The following LAMP1 variants were observed in gnomAD, a reference collection of about 807,000 sequenced individuals.
LAMP1 encodes the protein lysosome-associated membrane glycoprotein 1.
Under a neutral mutation model 37.5 loss-of-function variants are expected in LAMP1, and 7 were observed. The observed-to-expected ratio is 0.19, with a 90% confidence interval of 0.11 to 0.35. The LOEUF (loss-of-function observed/expected upper bound fraction) is 0.35, where lower values mean the gene tolerates loss of function less well. Among genes scored for constraint, LAMP1 ranks in the 10% least tolerant of loss-of-function variants. LAMP1 has a pLI of 1.00. For synonymous variants in LAMP1, 236 were observed against 229.1 expected (o/e 1.03, Z -0.27); for missense variants, 537 against 552.8 (o/e 0.97, Z 0.29).
At position 113,320,676 on chromosome 13, in the gene LAMP1, G is replaced by T; in HGVS notation, c.876+206G>T. The T allele has an allele frequency of 1.7e-6, 1 of 587,830 alleles. No individual in the cohort carries two copies. Among genetic ancestry groups the T allele is most frequent in the Non-Finnish European group, 3.0e-6 (1 of 337,970 alleles). The allele number at this position is 587,830 out of a possible 1,614,324, so 36.4% of individuals were successfully genotyped here. Reference sequence around the variant, plus strand: ...TAGATGCAGCAGATGATGTGGGCGGGGCTGCTGTGCCCACAGTTGGAGTGG... The same window carrying T: ...TAGATGCAGCAGATGATGTGGGCGGTGCTGCTGTGCCCACAGTTGGAGTGG... On this transcript the variant is annotated intron_variant, in intron 6 of 8. Transcript: ENST00000332556. The surrounding 1 kb of genome is among the most constrained non-coding windows in gnomAD (Gnocchi z 4.4).
chr13:113,299,825 A>C (rs1286398070), intron 1 of LAMP1, among the ~76,000 whole-genome samples: 1 of 152,186 alleles, frequency 6.6e-6, no homozygotes, highest in Admixed American at 6.5e-5. Flanking sequence ...CAGACTCCCA[A>C]AGTGCTGGGA....
intron 3 of LAMP1, among the ~76,000 whole-genome samples, chr13:113,310,177 C>T (rs965478197): frequency 4.6e-5 from 7 of 151,712 alleles, no homozygotes; most frequent in Non-Finnish European, 7.4e-5. Flanking sequence ...TGCAGTGAGC[C>T]GAGATGGTGC....
chr13:113,317,159 C>T (rs888451842), intron 4 of LAMP1, among the ~76,000 whole-genome samples: 4 of 152,228 alleles, frequency 2.6e-5, no homozygotes, highest in East Asian at 3.9e-4. Flanking sequence ...TGGAAAGGCC[C>T]GGCTGTGTGC....
In LAMP1 at chr13:113,322,429, C is replaced by A. The variant is rs758043762; in HGVS notation, c.*8C>A. ...GGCTACCAGACTATCTAGCCTGGTGCACGCAGGCACAGCAGCTGCAGGGGC... is the reference window on the plus strand; with the variant it reads ...GGCTACCAGACTATCTAGCCTGGTGAACGCAGGCACAGCAGCTGCAGGGGC... On this transcript the variant is annotated 3_prime_UTR_variant, in exon 9 of 9. Coordinates refer to ENST00000332556, the MANE Select transcript of LAMP1 (RefSeq NM_005561.4). 6.2e-7 allele frequency: 1 copy of A among 1,601,010 alleles called. No individual in the cohort carries two copies. Among genetic ancestry groups the A allele is most frequent in the South Asian group, 1.1e-5 (1 of 90,450 alleles).
Position 113,321,846 on chromosome 13 carries a change from C to G in LAMP1, c.1114+119C>G. 1.0e-6 allele frequency: 1 copy of G among 987,992 alleles called. No homozygotes were observed. The highest frequency in any genetic ancestry group is 1.5e-6 in the Non-Finnish European group (1 of 670,830). The allele number at this position is 987,992 out of a possible 1,614,324, so 61.2% of individuals were successfully genotyped here. A position where few individuals can be genotyped will look rare whatever the true frequency, so the allele number is the denominator to read the frequency against. On this transcript the variant is annotated intron_variant, in intron 8 of 8. Coordinates refer to ENST00000332556, the MANE Select transcript of LAMP1 (RefSeq NM_005561.4). This position sits in a 1 kb window ranked among gnomAD's most constrained non-coding sequence, Gnocchi z 5.6. ...GACGCCCCTGTTCCTCTGCAAGGAGCTGTTTCTTCTTGCCGGTCTGAGATT... is the reference window on the plus strand; with the variant it reads ...GACGCCCCTGTTCCTCTGCAAGGAGGTGTTTCTTCTTGCCGGTCTGAGATT...
At position 113,310,712 on chromosome 13, in the gene LAMP1, T is replaced by G. The variant is rs761465679; in HGVS notation, c.407T>G (p.Ile136Ser). The G allele has an allele frequency of 6.4e-7, 1 of 1,567,730 alleles. No homozygotes were observed. Among genetic ancestry groups the G allele is most frequent in the Middle Eastern group, 1.7e-4 (1 of 5,866 alleles). The change falls in exon 4 of 9, where the codon ATC becomes AGC. Residue 136 changes from isoleucine (I) to serine (S), a missense_variant. Coordinates refer to ENST00000332556, the MANE Select transcript of LAMP1 (RefSeq NM_005561.4). ...ATTTTTTTTTTTTTTAATCTAGAAA[T>G]CAAGACTGTGGAATCTATAACTGAC... Reference protein sequence around the residue: ...HLFPNASSKEIKTVESITDIR... With the variant: ...HLFPNASSKESKTVESITDIR...
Position 113,306,871 on chromosome 13 carries a change from G to GCTCT in LAMP1, c.183+266_183+269dup, listed in dbSNP as rs1169388089. 2.0e-4 allele frequency among the ~76,000 whole-genome samples: 25 copies of GCTCT among 123,616 alleles called. No individual in the cohort carries two copies. The Admixed American group carries it at 2.3e-3, about 11-fold the overall frequency. 81.1% of individuals were successfully genotyped at this position (123,616 alleles called of 152,430 possible). A position where few individuals can be genotyped will look rare whatever the true frequency, so the allele number is the denominator to read the frequency against. Reference sequence around the variant, plus strand: ...TTTTTTTTTTTTGAGACGGAGTCTCGCTCTGTCACCCAGGCTGGAGTGCAG... The same window carrying GCTCT: ...TTTTTTTTTTTTGAGACGGAGTCTCGCTCTCTCTGTCACCCAGGCTGGAGTGCAG... On this transcript the variant is annotated intron_variant, in intron 2 of 8. Transcript: ENST00000332556.
intron 2 of LAMP1, among the ~76,000 whole-genome samples, chr13:113,307,129 G>A (rs975565551): frequency 2.7e-5 from 4 of 149,536 alleles, no homozygotes; most frequent in Admixed American, 6.7e-5. Flanking sequence ...GTGAGCCACC[G>A]CGCCCAGCCT....
At chr13:113,306,346 TCC>T (rs1212947672) in intron 1 of LAMP1, 137 bp from the exon 2 acceptor site, 1 of 875,464 alleles carries the variant, frequency 1.1e-6, no homozygotes, top group African/African-American at 2.6e-5. Context: ...ACAGTGAGAC[TCC>T]GTCTCAAAAA....
At chr13:113,304,203 T>C (rs569103090) in intron 1 of LAMP1, among the ~76,000 whole-genome samples, 56 of 152,362 alleles carry the variant, frequency 3.7e-4, no homozygotes, top group South Asian at 1.9e-3. Context: ...AGGAAACTTA[T>C]AAAAGGGCAG....
At chr13:113,298,358 CTT>C (rs1264846980) in intron 1 of LAMP1, among the ~76,000 whole-genome samples, 1 of 152,172 alleles carries the variant, frequency 6.6e-6, no homozygotes, top group African/African-American at 2.4e-5. Context: ...TGTGCTGTCT[CTT>C]TAAGACAGTC....
At position 113,322,786 on chromosome 13, in the gene LAMP1, T is replaced by TTCTCTGAGGGGGTGGGGGTGCTGCTC. The variant is rs2042711480; in HGVS notation, c.*386_*387insTGCTCTCTCTGAGGGGGTGGGGGTGC. On this transcript the variant is annotated 3_prime_UTR_variant, in exon 9 of 9. Transcript: ENST00000332556. ...TCTCTGAGGGGGTGGGGGTGCCGCTTTCTCTGAGGGGGTGGGGGTGCCGCT... is the reference window on the plus strand; with the variant it reads ...TCTCTGAGGGGGTGGGGGTGCCGCTTTCTCTGAGGGGGTGGGGGTGCTGCTCTCTCTGAGGGGGTGGGGGTGCCGCT... 1 of 39,178 alleles carries TTCTCTGAGGGGGTGGGGGTGCTGCTC rather than the reference T, an allele frequency of 2.6e-5. No individual in the cohort carries two copies. The highest frequency in any genetic ancestry group is 3.4e-4 in the Admixed American group (1 of 2,908). 2.4% of individuals were successfully genotyped at this position (39,178 alleles called of 1,614,324 possible).
In LAMP1 at chr13:113,321,027, A is replaced by G; in HGVS notation, c.877-377A>G. On this transcript the variant is annotated intron_variant, in intron 6 of 8. Transcript: ENST00000332556. The surrounding 1 kb of genome is among the most constrained non-coding windows in gnomAD (Gnocchi z 5.6). ...AGGCTCCATTTCTGCAAATAATAAA[A>G]CGAGTTAGCTGGGCGTAGTGGCGCA... 3.5e-6 allele frequency: 1 copy of G among 286,666 alleles called. No individual in the cohort carries two copies. The highest frequency in any genetic ancestry group is 9.4e-5 in the East Asian group (1 of 10,618). The allele number at this position is 286,666 out of a possible 1,614,324, so 17.8% of individuals were successfully genotyped here.
chr13:113,299,653 C>T (rs1198770196), intron 1 of LAMP1, among the ~76,000 whole-genome samples: 1 of 150,884 alleles, frequency 6.6e-6, no homozygotes, highest in Admixed American at 6.6e-5. Flanking sequence ...ACTGCAGCCT[C>T]CGCCTCTTGT....
At chr13:113,313,083 T>G (rs978977596) in intron 4 of LAMP1, among the ~76,000 whole-genome samples, 13 of 152,262 alleles carry the variant, frequency 8.5e-5, no homozygotes, top group Admixed American at 5.9e-4. Flanking sequence ...TGGCTAGGCC[T>G]GGACACGGTT....
At position 113,320,475 on chromosome 13, in the gene LAMP1, G is replaced by A. The variant is rs762336134; in HGVS notation, c.876+5G>A. On this transcript the variant is annotated splice_donor_5th_base_variant and intron_variant, in intron 6 of 8. Transcript: ENST00000332556. This position sits in a 1 kb window ranked among gnomAD's most constrained non-coding sequence, Gnocchi z 4.4. ...CTGCTCTTCCAGTTCGGGATGGTGAGGCTGGGGCGGCACCTCTCTGGGGGC... is the reference window on the plus strand; with the variant it reads ...CTGCTCTTCCAGTTCGGGATGGTGAAGCTGGGGCGGCACCTCTCTGGGGGC... 2.5e-6 allele frequency: 4 copies of A among 1,605,188 alleles called. No individual in the cohort carries two copies.
At chr13:113,310,378 T>C (rs1247319300) in intron 3 of LAMP1, among the ~76,000 whole-genome samples, 1 of 151,508 alleles carries the variant, frequency 6.6e-6, no homozygotes, top group East Asian at 1.9e-4. Flanking sequence ...ATACAAAAAT[T>C]AGCTGGGCGT....
chr13:113,302,234 G>T (rs2042578488), intron 1 of LAMP1, among the ~76,000 whole-genome samples: 1 of 151,220 alleles, frequency 6.6e-6, no homozygotes, highest in African/African-American at 2.4e-5. Flanking sequence ...GTCCAGTCTG[G>T]AGTGCAGTGG....
rs1377185172 is a variant in LAMP1, at chr13:113,320,499, G to A, written c.876+29G>A. On this transcript the variant is annotated intron_variant, in intron 6 of 8. Coordinates refer to ENST00000332556, the MANE Select transcript of LAMP1 (RefSeq NM_005561.4). This position sits in a 1 kb window ranked among gnomAD's most constrained non-coding sequence, Gnocchi z 4.4. ...AGGCTGGGGCGGCACCTCTCTGGGGGCGCCCACTGTGTCTCCACCACATCT... is the reference window on the plus strand; with the variant it reads ...AGGCTGGGGCGGCACCTCTCTGGGGACGCCCACTGTGTCTCCACCACATCT... 5.0e-6 allele frequency: 8 copies of A among 1,598,260 alleles called. No individual in the cohort carries two copies. The Admixed American group carries it at 8.4e-5, about 17-fold the overall frequency.
Sources: allele counts gnomAD v4.1 joint callset (sites outside exome capture counted in the v4.1 genomes callset), GRCh38; gene constraint gnomAD v4.1.1; non-coding constraint Gnocchi (gnomAD v3.1); transcripts MANE v1.5; gene names NCBI Gene and HGNC (gene_info 2026-07-23, HGNC 2026-07-21).